KALRN: variants seen among roughly 807,000 people sequenced by gnomAD.
The protein encoded by KALRN is kalirin RhoGEF kinase, also known as kalirin.
Under a neutral mutation model 353.7 loss-of-function variants are expected in KALRN, and 70 were observed. That is an observed-to-expected ratio of 0.20 (90% CI 0.16 to 0.24). KALRN has a LOEUF of 0.24. Ranked by LOEUF, KALRN falls within the 10% of genes least tolerant of loss-of-function variation. KALRN has a pLI of 1.00. For synonymous variants in KALRN, 1,391 were observed against 1,434.8 expected (o/e 0.97, Z 0.69); for missense variants, 2,791 against 3,756.7 (o/e 0.74, Z 6.72).
chr3:124,627,347 A>T (rs1021412746), intron 34 of KALRN, among the ~76,000 whole-genome samples: 2 of 152,156 alleles, frequency 1.3e-5, no homozygotes, highest in African/African-American at 4.8e-5. Context: ...CAAAATAGAG[A>T]TTACTTTTGG....
intron 31 of KALRN, 158 bp downstream of exon 31, chr3:124,491,582 T>C (rs182817590): frequency 2.2e-4 from 103 of 474,796 alleles, no homozygotes; most frequent in African/African-American, 1.9e-3. Flanking sequence ...GCAAATTCTA[T>C]CATGAAAGTA....
At chr3:124,335,702 G>A (rs755376648) in intron 9 of KALRN, among the ~76,000 whole-genome samples, 6 of 152,130 alleles carry the variant, frequency 3.9e-5, no homozygotes, top group African/African-American at 7.2e-5. Context: ...GAAGCTGCTC[G>A]GGTGGACGCA....
At chr3:124,600,719 T>C (rs1389898473) in intron 34 of KALRN, among the ~76,000 whole-genome samples, 3 of 152,224 alleles carry the variant, frequency 2.0e-5, no homozygotes, top group African/African-American at 7.2e-5. Flanking sequence ...GTGATTCAAA[T>C]AGAGCAATCT....
chr3:124,542,375 T>C (rs1468767461), intron 33 of KALRN, among the ~76,000 whole-genome samples: 1 of 152,212 alleles, frequency 6.6e-6, no homozygotes, highest in Non-Finnish European at 1.5e-5. Flanking sequence ...AATGAAATGA[T>C]ACACATGAAA....
chr3:124,642,725 C>T (rs2082170823), intron 37 of KALRN, among the ~76,000 whole-genome samples: 1 of 150,812 alleles, frequency 6.6e-6, no homozygotes, highest in Non-Finnish European at 1.5e-5. Flanking sequence ...ATAATGGCCT[C>T]ATCATATCCA....
intron 38 of KALRN, 103 bp from the exon 39 acceptor site, chr3:124,655,498 G>A: frequency 2.4e-6 from 2 of 844,722 alleles, no homozygotes; most frequent in Non-Finnish European, 4.1e-6. Context: ...GTTTTAAGGG[G>A]TCTTGTTATA....
At chr3:124,396,641 A>T (rs536019) in intron 12 of KALRN, among the ~76,000 whole-genome samples, 138,701 of 152,314 alleles carry the variant, frequency 0.91, 64,403 homozygotes, top group South Asian at 1. Flanking sequence ...TCTATTCAAA[A>T]ACTTTTCACA....
At chr3:124,327,045 C>A (rs1200076086) in intron 7 of KALRN, among the ~76,000 whole-genome samples, 2 of 152,076 alleles carry the variant, frequency 1.3e-5, no homozygotes, top group African/African-American at 4.8e-5. Context: ...TTGGTGATGT[C>A]ACATTGGTAG....
chr3:124,513,920 A>G (rs1301782166), intron 33 of KALRN, among the ~76,000 whole-genome samples: 1 of 152,168 alleles, frequency 6.6e-6, no homozygotes, highest in Non-Finnish European at 1.5e-5. Flanking sequence ...ATTTGGGAAG[A>G]AGAGCCCTGG....
chr3:124,094,658 G>A (rs1246214474), intron 1 of KALRN: 2 of 642,308 alleles, frequency 3.1e-6, no homozygotes, highest in Non-Finnish European at 2.9e-6. Flanking sequence ...CTGTGAAACC[G>A]GCTCCCGGCA....
In KALRN at chr3:124,490,785, G is replaced by A. The variant is rs745828438; in HGVS notation, c.4488G>A (p.Arg1496=). The A allele has an allele frequency of 3.7e-6, 6 of 1,613,960 alleles. No homozygotes were observed. The highest frequency in any genetic ancestry group is 5.1e-6 in the Non-Finnish European group (6 of 1,179,890). The change falls in exon 30 of 60, where the codon CGG becomes CGA. Residue 1496 remains arginine (R), a synonymous_variant. Coordinates refer to ENST00000682506, the MANE Select transcript of KALRN (RefSeq NM_001388419.1). ...CGAAGTCGCTGATCCGGAAGGGGCG[G>A]GAGCGGCACTTGTTCCTCTTTGAGA... ...WDPKSLIRKG[R]ERHLFLFEIS...
In KALRN at chr3:124,457,290, G is replaced by A. The variant is rs532717714; in HGVS notation, c.3854+562G>A. The stretch of plus-strand genomic sequence containing the variant: ...TCACCATGTTGGCCAGGCTGGTCTC[G>A]GACTCCTGACCTCAAGTGATCTGCC... On this transcript the variant is annotated intron_variant, in intron 23 of 59. Transcript: ENST00000682506. Among the ~76,000 whole-genome samples, 8 of 152,060 alleles carry A rather than the reference G, an allele frequency of 5.3e-5. No homozygotes were observed. In the East Asian group the frequency reaches 1.6e-3, roughly 29 times the overall value.
chr3:124,373,638 GGCT>G lies in KALRN; in HGVS notation c.1771-11204_1771-11202del, dbSNP rs147475684. Among the ~76,000 whole-genome samples the G allele has an allele frequency of 1.2e-3, 189 of 152,208 alleles. 1 individual carries two copies. Among genetic ancestry groups the G allele is most frequent in the African/African-American group, 4.6e-3 (189 of 41,528 alleles). Reference sequence around the variant, plus strand: ...GTGGCTTTGCTGTTTCCTGGCATGTGGCTGCACCACTCCAACCTCAGCTTTCAT... The same window carrying G: ...GTGGCTTTGCTGTTTCCTGGCATGTGGCACCACTCCAACCTCAGCTTTCAT... On this transcript the variant is annotated intron_variant, in intron 10 of 59. Transcript: ENST00000682506.
In KALRN at chr3:124,382,711, G is replaced by A. The variant is rs956244176; in HGVS notation, c.1771-2134G>A. On this transcript the variant is annotated intron_variant, in intron 10 of 59. Coordinates refer to ENST00000682506, the MANE Select transcript of KALRN (RefSeq NM_001388419.1). ...AAGCTACAATCTCTAGGGTTCTTGC[G>A]GGGGGAATCCTGAGACTCTTTAGGA... 5.3e-5 allele frequency among the ~76,000 whole-genome samples: 8 copies of A among 152,222 alleles called. No individual in the cohort carries two copies. The South Asian group carries it at 8.3e-4, about 16-fold the overall frequency.
chr3:124,336,066 G>A (rs1048417410), intron 9 of KALRN, among the ~76,000 whole-genome samples: 1 of 152,102 alleles, frequency 6.6e-6, no homozygotes, highest in Non-Finnish European at 1.5e-5. Flanking sequence ...TCTGAATAGG[G>A]GGATAGTCAC....
chr3:124,696,502 T>A (rs1178616626), intron 54 of KALRN, among the ~76,000 whole-genome samples: 2 of 152,240 alleles, frequency 1.3e-5, no homozygotes, highest in Non-Finnish European at 2.9e-5. Context: ...ATTTATTTTT[T>A]AAATTTCAGT....
At chr3:124,059,165 C>T (rs1247252904) in intron 1 of KALRN, among the ~76,000 whole-genome samples, 2 of 152,130 alleles carry the variant, frequency 1.3e-5, no homozygotes, top group Non-Finnish European at 2.9e-5. Flanking sequence ...AAACAGAATA[C>T]TTAGTAGATC....
At chr3:124,315,246 G>T (rs961123048) in intron 6 of KALRN, among the ~76,000 whole-genome samples, 2 of 152,146 alleles carry the variant, frequency 1.3e-5, no homozygotes, top group Non-Finnish European at 2.9e-5. Context: ...TGTCCCATTT[G>T]CTTTTACGCC....
chr3:124,607,956 A>G (rs1166145122), intron 34 of KALRN, among the ~76,000 whole-genome samples: 1 of 151,230 alleles, frequency 6.6e-6, no homozygotes, highest in Non-Finnish European at 1.5e-5. Flanking sequence ...TTTCCACTGA[A>G]TGTTATCTAA....
Sources: allele counts gnomAD v4.1 joint callset (sites outside exome capture counted in the v4.1 genomes callset), GRCh38; gene constraint gnomAD v4.1.1; transcripts MANE v1.5; gene names NCBI Gene and HGNC (gene_info 2026-07-23, HGNC 2026-07-21).